PRKCA: variants seen among roughly 807,000 people sequenced by gnomAD.
PRKCA encodes the protein protein kinase C alpha type.
A neutral mutation model predicts 87.0 loss-of-function variants in PRKCA; 27 were observed. The ratio of observed to expected loss-of-function variants is 0.31; its 90% confidence interval spans 0.23 to 0.43. The LOEUF is 0.43. Ranked by LOEUF, PRKCA falls within the 20% of genes least tolerant of loss-of-function variation. The probability of loss-of-function intolerance (pLI) is 1.00; values close to 1 mark genes in which losing one functional copy is unlikely to be tolerated. For missense variants in PRKCA, 518 were observed against 852.3 expected (o/e 0.61, Z 4.88); for synonymous variants, 329 against 311.1 (o/e 1.06, Z -0.61).
intron 2 of PRKCA, among the ~76,000 whole-genome samples, chr17:66,467,721 C>A (rs1739184493): frequency 6.6e-6 from 1 of 152,050 alleles, no homozygotes; most frequent in Non-Finnish European, 1.5e-5. Flanking sequence ...GTATGCCTAG[C>A]TAATTTTTTA....
At chr17:66,368,062 C>T (rs575836151) in intron 2 of PRKCA, among the ~76,000 whole-genome samples, 196 of 152,232 alleles carry the variant, frequency 1.3e-3, no homozygotes, top group Non-Finnish European at 2.4e-3. Flanking sequence ...ATACTGTGAA[C>T]TCAGAACTCC....
At chr17:66,366,957 C>T (rs768798407) in intron 2 of PRKCA, among the ~76,000 whole-genome samples, 5 of 152,150 alleles carry the variant, frequency 3.3e-5, no homozygotes, top group Non-Finnish European at 5.9e-5. Flanking sequence ...TTTTACTCCA[C>T]GTTGGTCTCC....
At chr17:66,547,522 G>C (rs543732258) in intron 3 of PRKCA, among the ~76,000 whole-genome samples, 1 of 152,216 alleles carries the variant, frequency 6.6e-6, no homozygotes, top group East Asian at 1.9e-4. Flanking sequence ...TTGAGTGCTG[G>C]TTTCACTAGT....
At chr17:66,551,915 T>C (rs1441406882) in intron 3 of PRKCA, among the ~76,000 whole-genome samples, 2 of 152,222 alleles carry the variant, frequency 1.3e-5, no homozygotes, top group African/African-American at 2.4e-5. Flanking sequence ...GATTTTGTTA[T>C]TTTATAAAAC....
At chr17:66,794,611 G>T (rs1420916442) in intron 16 of PRKCA, among the ~76,000 whole-genome samples, 2 of 141,528 alleles carry the variant, frequency 1.4e-5, no homozygotes, top group Non-Finnish European at 3.0e-5. Context: ...TTGTTTTTTG[G>T]GGGGGGTTTT....
At chr17:66,712,621 T>C (rs1038869429) in intron 8 of PRKCA, among the ~76,000 whole-genome samples, 3 of 152,164 alleles carry the variant, frequency 2.0e-5, no homozygotes, top group African/African-American at 7.2e-5. Context: ...CCTTAAAGAC[T>C]GTCCCTCTTC....
At chr17:66,569,350 G>A (rs533088789) in intron 3 of PRKCA, among the ~76,000 whole-genome samples, 12 of 131,160 alleles carry the variant, frequency 9.1e-5, no homozygotes, top group Admixed American at 7.7e-4. Context: ...GGCGGGGATC[G>A]CCTGAGGTCA....
At position 66,773,877 on chromosome 17, in the gene PRKCA, C is replaced by A. The variant is rs950759923; in HGVS notation, c.1525-110C>A. 58 of 1,528,296 alleles carry A rather than the reference C, an allele frequency of 3.8e-5. No individual in the cohort carries two copies. In the Middle Eastern group the frequency reaches 5.5e-4, roughly 14 times the overall value. 94.7% of individuals were successfully genotyped at this position (1,528,296 alleles called of 1,614,324 possible). On this transcript the variant is annotated intron_variant, in intron 13 of 16. Coordinates refer to ENST00000413366, the MANE Select transcript of PRKCA (RefSeq NM_002737.3). ...GTAACATCAAAGACAGATCTTAGCA[C>A]CTCATCTGCATGAACTGAGTGTATA...
intron 2 of PRKCA, among the ~76,000 whole-genome samples, chr17:66,316,667 ACTT>A (rs905996136): frequency 9.9e-5 from 15 of 152,052 alleles, no homozygotes; most frequent in Non-Finnish European, 1.8e-4. Flanking sequence ...CTACTTTGAC[ACTT>A]CTTTCTGCTG....
chr17:66,315,458 A>G lies in PRKCA; in HGVS notation c.205+9331A>G, dbSNP rs1302728558. 2.0e-5 allele frequency among the ~76,000 whole-genome samples: 3 copies of G among 149,198 alleles called. No homozygotes were observed. In the Admixed American group the frequency reaches 2.1e-4, roughly 10 times the overall value. On this transcript the variant is annotated intron_variant, in intron 2 of 16. Transcript: ENST00000413366. Reference sequence around the variant, plus strand: ...ACACCATTAACTTGAATGTCGAGGTATTAAAGAATGAAGTGTTTTTTCTTT... The same window carrying G: ...ACACCATTAACTTGAATGTCGAGGTGTTAAAGAATGAAGTGTTTTTTCTTT...
chr17:66,765,454 A>ATATATATATATATATATC (rs1218360664), intron 13 of PRKCA, among the ~76,000 whole-genome samples: 11 of 130,070 alleles, frequency 8.5e-5, no homozygotes, highest in South Asian at 2.5e-4. Flanking sequence ...ATATATATAT[A>ATATATATATATATATATC]TCCATATATA....
intron 2 of PRKCA, among the ~76,000 whole-genome samples, chr17:66,494,314 A>G (rs1224062859): frequency 6.6e-6 from 1 of 152,184 alleles, no homozygotes; most frequent in African/African-American, 2.4e-5. Context: ...GTAATTTGTA[A>G]AGAACATAAA....
intron 5 of PRKCA, among the ~76,000 whole-genome samples, chr17:66,649,731 T>G (rs1395478833): frequency 1.3e-5 from 2 of 152,066 alleles, no homozygotes; most frequent in African/African-American, 4.8e-5. Context: ...TCACGGAAGG[T>G]CCAAACATGG....
chr17:66,498,491 A>G (rs1319116429), intron 3 of PRKCA, among the ~76,000 whole-genome samples: 1 of 151,684 alleles, frequency 6.6e-6, no homozygotes, highest in Non-Finnish European at 1.5e-5. Context: ...TCCCCCTCCT[A>G]CTTTTTCATT....
chr17:66,389,103 C>T (rs867019091), intron 2 of PRKCA, among the ~76,000 whole-genome samples: 13 of 152,154 alleles, frequency 8.5e-5, no homozygotes, highest in South Asian at 4.1e-4. Context: ...TAAAACGGCG[C>T]GGCACCTTCC....
intron 10 of PRKCA, among the ~76,000 whole-genome samples, chr17:66,738,285 A>G (rs1265386150): frequency 1.3e-5 from 2 of 152,204 alleles, no homozygotes; most frequent in African/African-American, 4.8e-5. Context: ...AGCCTGAGAG[A>G]TGTGTTTTCA....
intron 5 of PRKCA, chr17:66,676,449 C>T (rs1407880705): frequency 6.6e-6 from 1 of 152,348 alleles, no homozygotes; most frequent in East Asian, 1.9e-4. Context: ...GGGCCTCTCC[C>T]ACACCAGGCT....
intron 2 of PRKCA, among the ~76,000 whole-genome samples, chr17:66,402,189 G>A (rs760039708): frequency 6.6e-6 from 1 of 152,184 alleles, no homozygotes; most frequent in Non-Finnish European, 1.5e-5. Flanking sequence ...TGTAAAGATG[G>A]AGTCACTTGG....
chr17:66,411,194 C>T (rs1911779266), intron 2 of PRKCA, among the ~76,000 whole-genome samples: 1 of 151,622 alleles, frequency 6.6e-6, no homozygotes, highest in African/African-American at 2.4e-5. Context: ...ACCTTAGCCT[C>T]CTAAGTAGTT....
Sources: gnomAD v4.1 joint callset for allele counts (sites outside exome capture counted in the v4.1 genomes callset) on GRCh38, gnomAD v4.1.1 for gene constraint, MANE v1.5 for transcripts, NCBI Gene and HGNC (gene_info 2026-07-23, HGNC 2026-07-21) for gene names.